Variants in PC observed in about 807,000 individuals in gnomAD.
PC encodes pyruvate carboxylase, also known as pyruvate carboxylase, mitochondrial.
PC carries 46 observed loss-of-function variants against 107.8 expected under a neutral mutation model. That is an observed-to-expected ratio of 0.43 (90% CI 0.34 to 0.55). The LOEUF (loss-of-function observed/expected upper bound fraction) is 0.55. Ranked by LOEUF, PC falls within the 20% of genes least tolerant of loss-of-function variation. The pLI, the probability that PC is intolerant of heterozygous loss-of-function variation, is 0.04. For synonymous variants in PC, 662 were observed against 684.7 expected (o/e 0.97, Z 0.52); for missense variants, 1,241 against 1,643.1 (o/e 0.76, Z 4.23).
intron 3 of PC, among the ~76,000 whole-genome samples, chr11:66,901,561 C>CCTG (rs2136044242): frequency 6.6e-6 from 1 of 152,222 alleles, no homozygotes; most frequent in East Asian, 1.9e-4. Context: ...CCTCCACCTC[C>CCTG]CTGGGTTTAA....
At chr11:66,903,162 T>G (rs1225945311) in intron 3 of PC, among the ~76,000 whole-genome samples, 1 of 152,048 alleles carries the variant, frequency 6.6e-6, no homozygotes. Flanking sequence ...CGGTGGTGAG[T>G]GGATCTACGA....
chr11:66,859,839 C>G, intron 12 of PC: 6 of 1,570,030 alleles, frequency 3.8e-6, no homozygotes, highest in Non-Finnish European at 5.2e-6. Context: ...GGGCGGGACC[C>G]TGACCGTGGC....
At chr11:66,861,574 G>T (rs1272744525) in intron 12 of PC, among the ~76,000 whole-genome samples, 2 of 152,112 alleles carry the variant, frequency 1.3e-5, no homozygotes, top group Non-Finnish European at 2.9e-5. Context: ...TAGATGAATG[G>T]GAGCAAGGTC....
At chr11:66,927,794 G>C (rs1948754775) in intron 3 of PC, among the ~76,000 whole-genome samples, 1 of 152,008 alleles carries the variant, frequency 6.6e-6, no homozygotes, top group Non-Finnish European at 1.5e-5. Flanking sequence ...GAAAGGGCTG[G>C]ATGGTGTCAA....
chr11:66,915,493 C>G (rs1948443035), intron 3 of PC, among the ~76,000 whole-genome samples: 1 of 152,230 alleles, frequency 6.6e-6, no homozygotes, highest in Non-Finnish European at 1.5e-5. Flanking sequence ...AGAACACAGT[C>G]CTGCTCGGTA....
In PC at chr11:66,871,744, G is replaced by C; in HGVS notation, c.264C>G (p.Arg88=). Reference sequence around the variant, plus strand: ...GGTAGGCCTGCACGGGGGCCAGGCCGCGGCCGATGAGATAGGCTTCATCTG... The same window carrying C: ...GGTAGGCCTGCACGGGGGCCAGGCCCCGGCCGATGAGATAGGCTTCATCTG... The part of the protein sequence containing the change: ...QKADEAYLIG[R]GLAPVQAYLH... Residue 88 remains arginine (R), a synonymous_variant, in exon 5 of 23, where the codon CGC becomes CGG. Coordinates refer to ENST00000393960, the MANE Select transcript of PC (RefSeq NM_001040716.2). The surrounding 1 kb of genome is among the most constrained non-coding windows in gnomAD (Gnocchi z 7.4). The C allele has an allele frequency of 6.3e-7, 1 of 1,584,542 alleles. No individual in the cohort carries two copies. Among genetic ancestry groups the C allele is most frequent in the Non-Finnish European group, 8.6e-7 (1 of 1,165,588 alleles).
intron 3 of PC, among the ~76,000 whole-genome samples, chr11:66,922,362 G>T (rs540469532): frequency 1.2e-3 from 177 of 151,870 alleles, no homozygotes; most frequent in African/African-American, 4.2e-3. Context: ...ATCACTTGAG[G>T]TCAGCAGTTC....
At chr11:66,901,558 C>T (rs1258801800) in intron 3 of PC, among the ~76,000 whole-genome samples, 1 of 152,202 alleles carries the variant, frequency 6.6e-6, no homozygotes, top group Non-Finnish European at 1.5e-5. Flanking sequence ...CAACCTCCAC[C>T]TCCCTGGGTT....
At chr11:66,940,730 A>C (rs1048368196) in intron 3 of PC, among the ~76,000 whole-genome samples, 1 of 151,390 alleles carries the variant, frequency 6.6e-6, no homozygotes, top group Admixed American at 6.6e-5. Context: ...AAAAAGGCAA[A>C]GGACTTGAAC....
intron 1 of PC, among the ~76,000 whole-genome samples, chr11:66,956,690 G>C (rs922147336): frequency 1.3e-5 from 2 of 152,192 alleles, no homozygotes; most frequent in Admixed American, 6.5e-5. Context: ...GCATCAAAAA[G>C]AGGTCCACAA....
Position 66,887,738 on chromosome 11 carries a change from G to A in PC, c.1-15579C>T, listed in dbSNP as rs185879995. ...TGAAGGACGCGTATCCATGTGGAAAGGTCTTGGAGCGCCTGGAGTGATGCC... is the reference window on the plus strand; with the variant it reads ...TGAAGGACGCGTATCCATGTGGAAAAGTCTTGGAGCGCCTGGAGTGATGCC... On this transcript the variant is annotated intron_variant, in intron 3 of 22. Transcript: ENST00000393960. Among the ~76,000 whole-genome samples the A allele has an allele frequency of 3.9e-3, 592 of 152,356 alleles. 23 individuals are homozygous for A. Among genetic ancestry groups the A allele is most frequent in the Non-Finnish European group, 6.9e-4 (47 of 68,034 alleles).
At chr11:66,945,418 T>TGGG (rs35456030) in intron 3 of PC, among the ~76,000 whole-genome samples, 2 of 69,534 alleles carry the variant, frequency 2.9e-5, no homozygotes, top group Non-Finnish European at 5.8e-5. Context: ...TCAAATGGTT[T>TGGG]GGGGGGGCGG....
In PC at chr11:66,866,394, G is replaced by T; in HGVS notation, c.1023-45C>A. 2 of 1,076,388 alleles carry T rather than the reference G, an allele frequency of 1.9e-6. No individual in the cohort carries two copies. The highest frequency in any genetic ancestry group is 2.7e-6 in the Non-Finnish European group (2 of 728,612). 66.7% of individuals were successfully genotyped at this position (1,076,388 alleles called of 1,614,324 possible). A position where few individuals can be genotyped will look rare whatever the true frequency, so the allele number is the denominator to read the frequency against. On this transcript the variant is annotated intron_variant, in intron 10 of 22. Transcript: ENST00000393960. The surrounding 1 kb of genome is among the most constrained non-coding windows in gnomAD (Gnocchi z 5.4). ...GGGGGGAAAGGACGGGAGAAAGGGG[G>T]AAACATGAGGCGGGGGATAGACGAG...
Position 66,859,406 on chromosome 11 carries a change from C to T in PC, c.1368+4368G>A, listed in dbSNP as rs1946101081. On this transcript the variant is annotated intron_variant, in intron 12 of 22. Transcript: ENST00000393960. ...GCCCGCGCCCGCGTGTTATTTCTGC[C>T]TCTGCTGGTGCCATCCCCCCACCCC... 2.6e-5 allele frequency among the ~76,000 whole-genome samples: 4 copies of T among 152,328 alleles called. No individual in the cohort carries two copies. In the South Asian group the frequency reaches 8.3e-4, roughly 32 times the overall value.
intron 2 of PC, 119 bp downstream of exon 2, chr11:66,954,130 A>C (rs993393355): frequency 1.3e-5 from 2 of 152,194 alleles, no homozygotes; most frequent in Admixed American, 1.3e-4. Flanking sequence ...ACAAGATAAG[A>C]AGCAAGGCCC....
rs1170558939 is a variant in PC, at chr11:66,857,962, G to A, written c.1369-4579C>T. Reference sequence around the variant, plus strand: ...CCCCCTGACTTCCGCAACATGACGGGACTGGTGGACCTGACACTGTCTCGC... The same window carrying A: ...CCCCCTGACTTCCGCAACATGACGGAACTGGTGGACCTGACACTGTCTCGC... On this transcript the variant is annotated intron_variant, in intron 12 of 22. Transcript: ENST00000393960. This position sits in a 1 kb window ranked among gnomAD's most constrained non-coding sequence, Gnocchi z 7.1. The A allele has an allele frequency of 3.1e-6, 5 of 1,612,558 alleles. No individual in the cohort carries two copies. The Admixed American group carries it at 5.0e-5, about 16-fold the overall frequency.
At chr11:66,885,031 C>T (rs902764947) in intron 3 of PC, among the ~76,000 whole-genome samples, 1 of 152,148 alleles carries the variant, frequency 6.6e-6, no homozygotes, top group African/African-American at 2.4e-5. Context: ...GATGACAGGA[C>T]ATGAATGCTG....
At chr11:66,947,035 A>G (rs1591315513) in intron 3 of PC, among the ~76,000 whole-genome samples, 2 of 152,304 alleles carry the variant, frequency 1.3e-5, no homozygotes, top group South Asian at 4.1e-4. Flanking sequence ...TCTCATACAC[A>G]GCTGGTAGGA....
chr11:66,859,708 T>C, intron 12 of PC: 1 of 1,612,458 alleles, frequency 6.2e-7, no homozygotes, highest in Non-Finnish European at 8.5e-7. Context: ...GACCTCTGCC[T>C]GCTGGCCTTG....
Sources: gnomAD v4.1 joint callset for allele counts (sites outside exome capture counted in the v4.1 genomes callset) on GRCh38, gnomAD v4.1.1 for gene constraint, Gnocchi (gnomAD v3.1) non-coding constraint, MANE v1.5 for transcripts, NCBI Gene and HGNC (gene_info 2026-07-23, HGNC 2026-07-21) for gene names.